The following DENND2A variants were observed in gnomAD, a reference collection of about 807,000 sequenced individuals.
The protein encoded by DENND2A is DENN domain containing 2A.
A neutral mutation model predicts 105.3 loss-of-function variants in DENND2A; 53 were observed. The observed-to-expected ratio is 0.50, with a 90% confidence interval of 0.40 to 0.63. The LOEUF (loss-of-function observed/expected upper bound fraction) is 0.63, where lower values mean the gene tolerates loss of function less well. Among genes scored for constraint, DENND2A ranks in the 30% least tolerant of loss-of-function variants. DENND2A has a pLI of 0.00. For missense variants in DENND2A, 1,138 were observed against 1,279.6 expected (o/e 0.89, Z 1.69); for synonymous variants, 522 against 508.4 (o/e 1.03, Z -0.36).
intron 3 of DENND2A, among the ~76,000 whole-genome samples, chr7:140,594,057 C>T (rs539840358): frequency 6.6e-6 from 1 of 152,186 alleles, no homozygotes; most frequent in South Asian, 2.1e-4. Flanking sequence ...AGGCACCCAC[C>T]ATCCATGCCT....
chr7:140,570,721 A>G (rs754202513), intron 6 of DENND2A, among the ~76,000 whole-genome samples: 3 of 152,212 alleles, frequency 2.0e-5, no homozygotes, highest in Non-Finnish European at 4.4e-5. Flanking sequence ...CACTCAGCCT[A>G]TGTGGTCTCC....
chr7:140,598,126 T>G (rs1317261755), intron 3 of DENND2A, among the ~76,000 whole-genome samples: 1 of 152,122 alleles, frequency 6.6e-6, no homozygotes, highest in African/African-American at 2.4e-5. Context: ...AAAAGAATAA[T>G]AAACCAGGCC....
chr7:140,608,853 G>C (rs998110989), intron 1 of DENND2A, among the ~76,000 whole-genome samples: 1 of 152,092 alleles, frequency 6.6e-6, no homozygotes, highest in Non-Finnish European at 1.5e-5. Context: ...GTCAACCTGG[G>C]GACCCTGTCA....
chr7:140,527,957 C>T lies in DENND2A; in HGVS notation c.2328-462G>A, dbSNP rs1016392392. The stretch of plus-strand genomic sequence containing the variant: ...TCAGGTTCAAGCAATTCTCCCACCT[C>T]GGCCTCCTGAGTAGCTGGGACTGCA... On this transcript the variant is annotated intron_variant, in intron 14 of 19. Transcript: ENST00000496613. The surrounding 1 kb of genome is among the most constrained non-coding windows in gnomAD (Gnocchi z 4.9). Among the ~76,000 whole-genome samples, 7 of 152,062 alleles carry T rather than the reference C, an allele frequency of 4.6e-5. No homozygotes were observed. Among genetic ancestry groups the T allele is most frequent in the African/African-American group, 1.4e-4 (6 of 41,410 alleles).
At chr7:140,571,980 ATCTCTCTC>A (rs58273598) in intron 6 of DENND2A, among the ~76,000 whole-genome samples, 113 of 149,052 alleles carry the variant, frequency 7.6e-4, no homozygotes, top group African/African-American at 2.7e-3. Context: ...CAGCAGAACC[ATCTCTCTC>A]TCTCTCTCTC....
chr7:140,554,702 A>T (rs1006998365), intron 12 of DENND2A, among the ~76,000 whole-genome samples: 3 of 152,224 alleles, frequency 2.0e-5, no homozygotes, highest in African/African-American at 7.2e-5. Flanking sequence ...ATGTTGGATT[A>T]TACCTAGCTT....
At chr7:140,538,870 T>A (rs575416376) in intron 14 of DENND2A, among the ~76,000 whole-genome samples, 3 of 150,336 alleles carry the variant, frequency 2.0e-5, no homozygotes, top group Admixed American at 1.3e-4. Context: ...GTTGCCCAGG[T>A]TGGAGTGCAG....
chr7:140,613,959 C>G (rs888874664), intron 1 of DENND2A, among the ~76,000 whole-genome samples: 1 of 152,164 alleles, frequency 6.6e-6, no homozygotes, highest in Non-Finnish European at 1.5e-5. Context: ...AGAGCCTCAT[C>G]AGAATGTGAC....
chr7:140,640,235 T>G lies in DENND2A; in HGVS notation c.-248+269A>C, dbSNP rs1328107388. 1 of 151,630 alleles carries G rather than the reference T, an allele frequency of 6.6e-6. No individual in the cohort carries two copies. Among genetic ancestry groups the G allele is most frequent in the Non-Finnish European group, 1.5e-5 (1 of 68,024 alleles). The allele number at this position is 151,630 out of a possible 1,614,324, so 9.4% of individuals were successfully genotyped here. A position where few individuals can be genotyped will look rare whatever the true frequency, so the allele number is the denominator to read the frequency against. ...GACCCAGCACGGCGCAGGGCGGGGG[T>G]CTACCGGCTTTCTGCAGGTCCCCGA... On this transcript the variant is annotated intron_variant, in intron 1 of 19. Coordinates refer to ENST00000496613, the MANE Select transcript of DENND2A (RefSeq NM_015689.5). The surrounding 1 kb of genome is among the most constrained non-coding windows in gnomAD (Gnocchi z 4.9).
chr7:140,609,404 T>G (rs1799809776), intron 1 of DENND2A, among the ~76,000 whole-genome samples: 1 of 152,014 alleles, frequency 6.6e-6, no homozygotes, highest in South Asian at 2.1e-4. Flanking sequence ...TCCCAGCTAC[T>G]CGGGAGGCTG....
rs1451847679 is a variant in DENND2A at position 140,559,120 on chromosome 7, C to T, written c.1889+588G>A. ...GGGATGTGACTCGGTGAGGGAGCAGCGGAAGATGGGGACAGTTCTGTGCCC... is the reference window on the plus strand; with the variant it reads ...GGGATGTGACTCGGTGAGGGAGCAGTGGAAGATGGGGACAGTTCTGTGCCC... On this transcript the variant is annotated intron_variant, in intron 10 of 19. Coordinates refer to ENST00000496613, the MANE Select transcript of DENND2A (RefSeq NM_015689.5). The surrounding 1 kb of genome is among the most constrained non-coding windows in gnomAD (Gnocchi z 4.1). Among the ~76,000 whole-genome samples, 5 of 152,210 alleles carry T rather than the reference C, an allele frequency of 3.3e-5. No individual in the cohort carries two copies. Among genetic ancestry groups the T allele is most frequent in the Admixed American group, 2.0e-4 (3 of 15,270 alleles).
chr7:140,560,803 C>G (rs1829768), intron 9 of DENND2A, among the ~76,000 whole-genome samples: 139,393 of 152,056 alleles, frequency 0.92, 63,948 homozygotes, highest in East Asian at 0.99. Context: ...GTGTGGTGGC[C>G]GGCACCTGTA....
In DENND2A at chr7:140,566,396, G is replaced by A. The variant is rs184515756; in HGVS notation, c.1779+690C>T. 8.5e-5 allele frequency among the ~76,000 whole-genome samples: 13 copies of A among 152,198 alleles called. No homozygotes were observed. In the East Asian group the frequency reaches 1.5e-3, roughly 18 times the overall value. On this transcript the variant is annotated intron_variant, in intron 9 of 19. Transcript: ENST00000496613. ...GCTGACTCGCCCTGAATTCTTTCTT[G>A]TGTGAGATCCAAGAACCCTCTCTAG...
At chr7:140,531,017 C>A (rs996199568) in intron 14 of DENND2A, among the ~76,000 whole-genome samples, 6 of 152,202 alleles carry the variant, frequency 3.9e-5, no homozygotes, top group Non-Finnish European at 5.9e-5. Flanking sequence ...CAGGCGTGAG[C>A]CACCACATCC....
Position 140,521,966 on chromosome 7 carries a change from G to A in DENND2A, c.2800C>T (p.Arg934Cys), listed in dbSNP as rs1185495323. The A allele has an allele frequency of 2.5e-6, 4 of 1,614,140 alleles. No homozygotes were observed. The highest frequency in any genetic ancestry group is 1.3e-5 in the African/African-American group (1 of 75,066). ...EERTLQREAFRKAVSSKSLRH... is the reference protein window; with the variant it reads ...EERTLQREAFCKAVSSKSLRH... ...AGGCTCTTGGAGGAGACAGCTTTGC[G>A]GAAGGCCTCCCGCTGCAGGGTTCTC... Residue 934 changes from arginine to cysteine, a missense_variant, in exon 18 of 20, where the codon CGC (arginine) becomes TGC (cysteine). Around this residue, in one of 2 missense-constraint regions of DENND2A, gnomAD observed 627 missense variants for 779.8 expected, o/e 0.80. Transcript: ENST00000496613.
At chr7:140,608,274 AC>A (rs1311231146) in intron 1 of DENND2A, among the ~76,000 whole-genome samples, 1 of 152,058 alleles carries the variant, frequency 6.6e-6, no homozygotes, top group Admixed American at 6.6e-5. Flanking sequence ...GGGGCATAGA[AC>A]CCCCCTGAAC....
At chr7:140,558,505 G>A (rs1004380644) in intron 10 of DENND2A, among the ~76,000 whole-genome samples, 1 of 152,104 alleles carries the variant, frequency 6.6e-6, no homozygotes, top group Non-Finnish European at 1.5e-5. Flanking sequence ...AGACCCGCCT[G>A]GCCAATAGGG....
rs146924532 is a variant in DENND2A at position 140,637,598 on chromosome 7, C to G, written c.-248+2906G>C. On this transcript the variant is annotated intron_variant, in intron 1 of 19. Transcript: ENST00000496613. ...TGCTGAGTCCCACCCTTTTCCTACC[C>G]CTTTAGAGGCAGGCTCTACATCCAG... is the stretch of plus-strand genomic sequence containing the variant. Among the ~76,000 whole-genome samples, 1,475 of 152,262 alleles carry G rather than the reference C, an allele frequency of 9.7e-3. 22 individuals carry two copies. The highest frequency in any genetic ancestry group is 0.033 in the African/African-American group (1,375 of 41,548).
intron 5 of DENND2A, among the ~76,000 whole-genome samples, chr7:140,583,268 C>T (rs1420738717): frequency 6.6e-6 from 1 of 151,512 alleles, no homozygotes; most frequent in Non-Finnish European, 1.5e-5. Flanking sequence ...GAGATCGGGC[C>T]ACTTCACTCC....
Sources: gnomAD v4.1 joint callset for allele counts (sites outside exome capture counted in the v4.1 genomes callset) on GRCh38, gnomAD v4.1.1 for gene constraint, gnomAD v4.1.1 regional missense constraint, Gnocchi (gnomAD v3.1) non-coding constraint, MANE v1.5 for transcripts, NCBI Gene and HGNC (gene_info 2026-07-23, HGNC 2026-07-21) for gene names.